Variants in NAPEPLD observed in about 807,000 individuals in gnomAD.
NAPEPLD encodes N-acyl-phosphatidylethanolamine-hydrolyzing phospholipase D.
NAPEPLD carries 23 observed loss-of-function variants against 38.1 expected under a neutral mutation model. The ratio of observed to expected loss-of-function variants is 0.60; its 90% CI spans 0.43 to 0.86. The LOEUF (loss-of-function observed/expected upper bound fraction) is 0.86, where lower values mean the gene tolerates loss of function less well. NAPEPLD is among the 40% of genes least tolerant of loss of function. NAPEPLD has a pLI of 0.00. For synonymous variants in NAPEPLD, 147 were observed against 162.0 expected, an observed-to-expected ratio of 0.91 and a Z score of 0.71; for missense variants, 411 against 476.8, an observed-to-expected ratio of 0.86 and a Z score of 1.28.
At chr7:103,132,514 A>T (rs1005358215) in intron 1 of NAPEPLD, among the ~76,000 whole-genome samples, 36 of 152,228 alleles carry the variant, frequency 2.4e-4, no homozygotes, top group African/African-American at 8.7e-4. Context: ...TGAGTTTGAG[A>T]AGGGTTTGAG....
intron 1 of NAPEPLD, among the ~76,000 whole-genome samples, chr7:103,130,128 A>C (rs1242274671): frequency 6.6e-6 from 1 of 152,260 alleles, no homozygotes; most frequent in Non-Finnish European, 1.5e-5. Context: ...GGAAATAAGG[A>C]AATGAGCACA....
Position 103,101,997 on chromosome 7 carries a change from A to AC in NAPEPLD, c.*1431dup, listed in dbSNP as rs1802465076. 5 of 29,668 alleles carry AC rather than the reference A, an allele frequency of 1.7e-4. No individual in the cohort carries two copies. The highest frequency in any genetic ancestry group is 5.6e-4 in the Admixed American group (1 of 1,786). 1.8% of individuals were successfully genotyped at this position (29,668 alleles called of 1,614,324 possible). On this transcript the variant is annotated 3_prime_UTR_variant, in exon 5 of 5. Transcript: ENST00000465647. Reference sequence around the variant, plus strand: ...TTAGGACTAAATCTTATGTCAACTGACTCCCCCCCCGCCCCCCAACCACTG... The same window carrying AC: ...TTAGGACTAAATCTTATGTCAACTGACCTCCCCCCCCGCCCCCCAACCACTG...
At chr7:103,115,360 A>G (rs1030679914) in intron 3 of NAPEPLD, 186 bp from the exon 4 acceptor site, 11 of 459,500 alleles carry the variant, frequency 2.4e-5, no homozygotes, top group Non-Finnish European at 4.2e-5. Flanking sequence ...AGGCCAGGTC[A>G]AGGCTAGATT....
chr7:103,102,791 G>A lies in NAPEPLD; in HGVS notation c.*638C>T, dbSNP rs1266484260. On this transcript the variant is annotated 3_prime_UTR_variant, in exon 5 of 5. Transcript: ENST00000465647. ...GTTAAAATGGTAAATGTTTAAAATG[G>A]CAAATATGTATTTATATATTTTACC... is the stretch of plus-strand genomic sequence containing the variant. 1 of 152,494 alleles carries A rather than the reference G, an allele frequency of 6.6e-6. No homozygotes were observed. Among genetic ancestry groups the A allele is most frequent in the East Asian group, 1.9e-4 (1 of 5,200 alleles). The allele number at this position is 152,494 out of a possible 1,614,324, so 9.4% of individuals were successfully genotyped here.
intron 1 of NAPEPLD, among the ~76,000 whole-genome samples, chr7:103,130,495 T>C (rs1165433708): frequency 6.6e-6 from 1 of 152,248 alleles, no homozygotes; most frequent in African/African-American, 2.4e-5. Flanking sequence ...GAGGTTTCTC[T>C]CAAAGGATCA....
At chr7:103,140,742 G>T (rs1169519932) in intron 1 of NAPEPLD, among the ~76,000 whole-genome samples, 1 of 152,020 alleles carries the variant, frequency 6.6e-6, no homozygotes, top group Non-Finnish European at 1.5e-5. Flanking sequence ...TCACCAGAAG[G>T]CTCTCATTAG....
At chr7:103,146,688 C>A (rs6465905) in intron 1 of NAPEPLD, among the ~76,000 whole-genome samples, 136,924 of 152,176 alleles carry the variant, frequency 0.9, 63,399 homozygotes, top group East Asian at 1. Flanking sequence ...CTGTTACCCA[C>A]AGGCAGGGGT....
chr7:103,149,208 G>C (rs985502086), upstream of NAPEPLD: 23 of 996,806 alleles, frequency 2.3e-5, no homozygotes, highest in Non-Finnish European at 2.7e-5. Context: ...CGGAGCTCCG[G>C]ACACTCGGGA....
At chr7:103,111,856 C>G (rs1230453700) in intron 4 of NAPEPLD, among the ~76,000 whole-genome samples, 1 of 152,078 alleles carries the variant, frequency 6.6e-6, no homozygotes, top group Non-Finnish European at 1.5e-5. Context: ...TGCAATCTAT[C>G]CATCTGACAA....
intron 1 of NAPEPLD, among the ~76,000 whole-genome samples, chr7:103,135,313 G>A (rs778862985): frequency 1.3e-5 from 2 of 152,164 alleles, no homozygotes; most frequent in Non-Finnish European, 2.9e-5. Flanking sequence ...ATGAAACTAC[G>A]TCAATTCACT....
At chr7:103,134,848 A>C (rs1187913350) in intron 1 of NAPEPLD, among the ~76,000 whole-genome samples, 1 of 152,218 alleles carries the variant, frequency 6.6e-6, no homozygotes, top group African/African-American at 2.4e-5. Flanking sequence ...TGGTGAAGAC[A>C]AGTCAGCCAA....
At chr7:103,145,116 T>G (rs1812270295) in intron 1 of NAPEPLD, among the ~76,000 whole-genome samples, 1 of 152,158 alleles carries the variant, frequency 6.6e-6, no homozygotes, top group Non-Finnish European at 1.5e-5. Context: ...TAGTCATATC[T>G]TCAAAAAAAT....
chr7:103,135,622 A>C (rs574698145), intron 1 of NAPEPLD, among the ~76,000 whole-genome samples: 3 of 152,346 alleles, frequency 2.0e-5, no homozygotes, highest in South Asian at 4.1e-4. Context: ...CTAAAAGAAA[A>C]CAAAGCAAAC....
chr7:103,117,066 G>T (rs1187560962), intron 3 of NAPEPLD, among the ~76,000 whole-genome samples: 1 of 152,152 alleles, frequency 6.6e-6, no homozygotes, highest in Non-Finnish European at 1.5e-5. Context: ...GTTTCAAGGA[G>T]GAAAAACAAC....
chr7:103,149,468 C>T (rs1345398667), upstream of NAPEPLD: 1 of 1,265,368 alleles, frequency 7.9e-7, no homozygotes, highest in African/African-American at 1.6e-5. Context: ...CTTCAGCTCT[C>T]GCCGCCTCGC....
chr7:103,143,065 A>AG (rs55963550), intron 1 of NAPEPLD, among the ~76,000 whole-genome samples: 1 of 151,356 alleles, frequency 6.6e-6, no homozygotes, highest in Non-Finnish European at 1.5e-5. Context: ...CTCTACAAAA[A>AG]AAAAAACAAA....
intron 1 of NAPEPLD, among the ~76,000 whole-genome samples, chr7:103,145,577 A>C (rs76076899): frequency 0.058 from 8,829 of 152,320 alleles, 367 homozygotes; most frequent in African/African-American, 0.11. Context: ...AATTAAAAAT[A>C]TGCACATTAA....
In NAPEPLD at chr7:103,113,404, C is replaced by T. The variant is rs573069606; in HGVS notation, c.1056+1656G>A. On this transcript the variant is annotated intron_variant, in intron 4 of 4. Coordinates refer to ENST00000465647, the MANE Select transcript of NAPEPLD (RefSeq NM_001122838.3). ...TTTGATTAGGGAGTGGGGGAATGGGCAGGCAGTGTATTAGGTAATTTTGGA... is the reference window on the plus strand; with the variant it reads ...TTTGATTAGGGAGTGGGGGAATGGGTAGGCAGTGTATTAGGTAATTTTGGA... Among the ~76,000 whole-genome samples, 4 of 152,220 alleles carry T rather than the reference C, an allele frequency of 2.6e-5. No homozygotes were observed. In the East Asian group the frequency reaches 5.8e-4, roughly 22 times the overall value.
At chr7:103,115,408 C>G (rs1236641031) in intron 3 of NAPEPLD, 2 of 379,506 alleles carry the variant, frequency 5.3e-6, no homozygotes, top group African/African-American at 4.2e-5. Context: ...AATTAAGTCA[C>G]AGGAGGCAAA....
Sources: gnomAD v4.1 joint callset for allele counts (sites outside exome capture counted in the v4.1 genomes callset) on GRCh38, gnomAD v4.1.1 for gene constraint, MANE v1.5 for transcripts, NCBI Gene and HGNC (gene_info 2026-07-23, HGNC 2026-07-21) for gene names.